The following ANKRD24 variants were observed in gnomAD, a reference collection of about 807,000 sequenced individuals.
The protein encoded by ANKRD24 is ankyrin repeat domain-containing protein 24.
ANKRD24 carries 109 observed loss-of-function variants against 127.8 expected under a neutral mutation model. The observed-to-expected ratio is 0.85, with a 90% CI of 0.73 to 1.00. ANKRD24 has a LOEUF of 1.00. ANKRD24 is among the 50% of genes least tolerant of loss of function. The pLI, the probability that ANKRD24 is intolerant of heterozygous loss-of-function variation, is 0.00. For synonymous variants in ANKRD24, 743 were observed against 671.1 expected (o/e 1.11, Z -1.66); for missense variants, 1,648 against 1,570.2 (o/e 1.05, Z -0.84).
chr19:4,193,751 C>G (rs1456484886), intron 2 of ANKRD24, among the ~76,000 whole-genome samples: 4 of 149,536 alleles, frequency 2.7e-5, no homozygotes, highest in African/African-American at 4.9e-5. Flanking sequence ...GCATGAGAAT[C>G]ACTTGAAGCC....
chr19:4,210,390 A>G lies in ANKRD24; in HGVS notation c.1059+18A>G, dbSNP rs1187055210. On this transcript the variant is annotated intron_variant, in intron 13 of 21. Coordinates refer to ENST00000318934, the MANE Select transcript of ANKRD24 (RefSeq NM_001393985.1). ...AGCAGGAGGTTAGGAGGCCTCGGAG[A>G]TTTGGGCGTGGGCCAGCCTGGGTGG... is the stretch of plus-strand genomic sequence containing the variant. 5 of 1,468,692 alleles carry G rather than the reference A, an allele frequency of 3.4e-6. No individual in the cohort carries two copies. In the South Asian group the frequency reaches 5.0e-5, roughly 15 times the overall value. 91.0% of individuals were successfully genotyped at this position (1,468,692 alleles called of 1,614,324 possible). A position where few individuals can be genotyped will look rare whatever the true frequency, so the allele number is the denominator to read the frequency against.
At chr19:4,205,067 CTCTACTAAACAA>C (rs1969309530) in intron 7 of ANKRD24, among the ~76,000 whole-genome samples, 1 of 152,186 alleles carries the variant, frequency 6.6e-6, no homozygotes. Flanking sequence ...GAAACCCTGT[CTCTACTAAACAA>C]TGCAAAAAAT....
In ANKRD24 at chr19:4,199,680, C is replaced by T; in HGVS notation, c.37-3C>T. ...CCTCGCCCAGGACCACCTCCCCCTG[C>T]AGCTGCGGCTCAGCCCCACTGACCT... On this transcript the variant is annotated splice_region_variant and splice_polypyrimidine_tract_variant and intron_variant, in intron 2 of 21. Coordinates refer to ENST00000318934, the MANE Select transcript of ANKRD24 (RefSeq NM_001393985.1). The surrounding 1 kb of genome is among the most constrained non-coding windows in gnomAD (Gnocchi z 5.2). The T allele has an allele frequency of 2.0e-6, 3 of 1,526,082 alleles. No individual in the cohort carries two copies. Among genetic ancestry groups the T allele is most frequent in the Non-Finnish European group, 2.6e-6 (3 of 1,140,734 alleles). The allele number at this position is 1,526,082 out of a possible 1,614,324, so 94.5% of individuals were successfully genotyped here.
At chr19:4,185,627 C>T (rs1030482358) in intron 1 of ANKRD24, among the ~76,000 whole-genome samples, 16 of 152,234 alleles carry the variant, frequency 1.1e-4, no homozygotes, top group Admixed American at 9.8e-4. Context: ...CGTGTGCACA[C>T]GCCCCACACT....
At chr19:4,187,922 C>T (rs1258990632) in intron 2 of ANKRD24, among the ~76,000 whole-genome samples, 2 of 152,160 alleles carry the variant, frequency 1.3e-5, no homozygotes, top group African/African-American at 2.4e-5. Flanking sequence ...GATTCGGAGG[C>T]TGGACCAGGT....
Position 4,193,845 on chromosome 19 carries a change from G to GAGGGAAGGA in ANKRD24, c.37-5835_37-5834insGAAGGAAGG, listed in dbSNP as rs573649233. On this transcript the variant is annotated intron_variant, in intron 2 of 21. Transcript: ENST00000318934. ...GAGCGAGACTCCGTCGGGAGGGAGG[G>GAGGGAAGGA]AGGAAGGAAGGAAGGAAGGAAGGAA... 1.7e-4 allele frequency among the ~76,000 whole-genome samples: 7 copies of GAGGGAAGGA among 40,590 alleles called. 1 individual carries two copies. The highest frequency in any genetic ancestry group is 8.7e-4 in the Admixed American group (3 of 3,468). 26.6% of individuals were successfully genotyped at this position (40,590 alleles called of 152,430 possible).
In ANKRD24 at chr19:4,217,348, CGTGGCT is replaced by C; in HGVS notation, c.2189_2194del (p.Arg730_Gly731del). 1 of 1,551,434 alleles carries C rather than the reference CGTGGCT, an allele frequency of 6.4e-7. No individual in the cohort carries two copies. The highest frequency in any genetic ancestry group is 8.7e-7 in the Non-Finnish European group (1 of 1,147,008). On this transcript the variant is annotated inframe_deletion, in exon 18 of 22. Coordinates refer to ENST00000318934, the MANE Select transcript of ANKRD24 (RefSeq NM_001393985.1). The stretch of plus-strand genomic sequence containing the variant: ...TCAAGTAGAGCTGGAGACCAGGATC[CGTGGCT>C]TGGAGGAGGCTCTCCGGCAGCGGGA...
In ANKRD24 at chr19:4,208,772, G is replaced by A. The variant is rs990243221; in HGVS notation, c.841G>A (p.Glu281Lys). Residue 281 changes from glutamate to lysine, a missense_variant, in exon 11 of 22, where the codon GAG (glutamate) becomes AAG (lysine). Glu to Lys is a moderately conservative substitution (Grantham distance 56). Transcript: ENST00000318934. ...QRPSPPSALT[E>K]DDSGEASSQN... Reference sequence around the variant, plus strand: ...CTTCCCTCTCTCCCCAGCCCTCACAGAGGATGATTCAGGCGAGGCGTCATC... The same window carrying A: ...CTTCCCTCTCTCCCCAGCCCTCACAAAGGATGATTCAGGCGAGGCGTCATC... 1.9e-6 allele frequency: 3 copies of A among 1,613,092 alleles called. No individual in the cohort carries two copies. The highest frequency in any genetic ancestry group is 1.3e-5 in the African/African-American group (1 of 74,880).
At chr19:4,209,696 C>A (rs994851555) in intron 11 of ANKRD24, among the ~76,000 whole-genome samples, 7 of 152,112 alleles carry the variant, frequency 4.6e-5, no homozygotes, top group African/African-American at 1.7e-4. Flanking sequence ...CAAGTGATCA[C>A]CCACCTTGGC....
In ANKRD24 at chr19:4,199,837, CCAA is replaced by C; in HGVS notation, c.124-35_124-33del. The C allele has an allele frequency of 6.5e-7, 1 of 1,542,796 alleles. No homozygotes were observed. The highest frequency in any genetic ancestry group is 2.4e-5 in the East Asian group (1 of 41,018). On this transcript the variant is annotated intron_variant, in intron 3 of 21. Transcript: ENST00000318934. This position sits in a 1 kb window ranked among gnomAD's most constrained non-coding sequence, Gnocchi z 5.2. Reference sequence around the variant, plus strand: ...CGGGGGCGTGGGGAGGGGACAGCAGCCAACACTGCCCCACGCACTTCTGGGCGT... The same window carrying C: ...CGGGGGCGTGGGGAGGGGACAGCAGCCACTGCCCCACGCACTTCTGGGCGT...
chr19:4,188,279 G>A (rs745852252), intron 2 of ANKRD24, among the ~76,000 whole-genome samples: 1 of 151,274 alleles, frequency 6.6e-6, no homozygotes, highest in East Asian at 1.9e-4. Flanking sequence ...ACTTCACCAT[G>A]TTGGCCAGGC....
At chr19:4,219,290 AAAAACAAAAAC>A (rs1056288599) in intron 18 of ANKRD24, among the ~76,000 whole-genome samples, 9 of 151,546 alleles carry the variant, frequency 5.9e-5, no homozygotes, top group Non-Finnish European at 1.2e-4. Flanking sequence ...TGTCTCAAAA[AAAAACAAAAAC>A]AAAACAAAAA....
chr19:4,218,211 G>T lies in ANKRD24; in HGVS notation c.3003+48G>T. ...CGGGCCCCACCCCCATTGGCCACGT[G>T]GCGGCCTGTTTTAGCCCCGCAGCCT... is the stretch of plus-strand genomic sequence containing the variant. On this transcript the variant is annotated intron_variant, in intron 18 of 21. Coordinates refer to ENST00000318934, the MANE Select transcript of ANKRD24 (RefSeq NM_001393985.1). The T allele has an allele frequency of 2.9e-6, 4 of 1,401,382 alleles. No homozygotes were observed. The South Asian group carries it at 6.4e-5, about 22-fold the overall frequency. The allele number at this position is 1,401,382 out of a possible 1,614,324, so 86.8% of individuals were successfully genotyped here.
intron 20 of ANKRD24, 118 bp downstream of exon 20, chr19:4,222,913 G>T (rs1970519102): frequency 8.2e-7 from 1 of 1,213,694 alleles, no homozygotes; most frequent in Non-Finnish European, 1.1e-6. Context: ...GGCAGGTGGG[G>T]TCCACATCAC....
chr19:4,186,345 C>A, intron 1 of ANKRD24, 45 bp from the exon 2 acceptor site: 1 of 1,550,138 alleles, frequency 6.5e-7, no homozygotes. Flanking sequence ...TGCCGCCCAC[C>A]AGGACTGGTG....
rs1968916603 is a variant in ANKRD24 at position 4,198,696 on chromosome 19, G to C, written c.37-987G>C. ...AACAGAGGTTGGGGCAGCTTTTGGG[G>C]GAATGGAAGAGACATTTGGGGAGAC... On this transcript the variant is annotated intron_variant, in intron 2 of 21. Coordinates refer to ENST00000318934, the MANE Select transcript of ANKRD24 (RefSeq NM_001393985.1). The surrounding 1 kb of genome is among the most constrained non-coding windows in gnomAD (Gnocchi z 6.1). 6.6e-6 allele frequency among the ~76,000 whole-genome samples: 1 copy of C among 152,214 alleles called. No individual in the cohort carries two copies.
In ANKRD24 at chr19:4,216,795, G is replaced by T. The variant is rs1477773100; in HGVS notation, c.1635G>T (p.Glu545Asp). 1 of 1,602,060 alleles carries T rather than the reference G, an allele frequency of 6.2e-7. No homozygotes were observed. Among genetic ancestry groups the T allele is most frequent in the Non-Finnish European group, 8.5e-7 (1 of 1,174,660 alleles). ...TATKNGPTHM[E>D]LNGSVAPETK... ...CCAAAAACGGGCCAACCCACATGGA[G>T]CTAAATGGCTCAGTGGCTCCAGAAA... Residue 545 changes from glutamate to aspartate, a missense_variant, in exon 18 of 22, where the codon GAG (glutamate) becomes GAT (aspartate). Transcript: ENST00000318934.
In ANKRD24 at chr19:4,215,973, C is replaced by A; in HGVS notation, c.1198-5C>A. 1 of 1,582,558 alleles carries A rather than the reference C, an allele frequency of 6.3e-7. No individual in the cohort carries two copies. Among genetic ancestry groups the A allele is most frequent in the Non-Finnish European group, 8.6e-7 (1 of 1,165,488 alleles). On this transcript the variant is annotated splice_polypyrimidine_tract_variant and splice_region_variant and intron_variant, in intron 15 of 21. Coordinates refer to ENST00000318934, the MANE Select transcript of ANKRD24 (RefSeq NM_001393985.1). ...CCCGAGCTGGACTCTGCTCCCTCCC[C>A]CCAGAACGAGCGGGAGAATACTAGC... is the stretch of plus-strand genomic sequence containing the variant.
intron 2 of ANKRD24, among the ~76,000 whole-genome samples, chr19:4,190,818 T>C (rs1325055476): frequency 6.6e-6 from 1 of 151,704 alleles, no homozygotes; most frequent in Non-Finnish European, 1.5e-5. Context: ...TCCTGAATGC[T>C]TTTTTTCCCC....
Sources: allele counts gnomAD v4.1 joint callset (sites outside exome capture counted in the v4.1 genomes callset), GRCh38; gene constraint gnomAD v4.1.1; non-coding constraint Gnocchi (gnomAD v3.1); transcripts MANE v1.5; gene names NCBI Gene and HGNC (gene_info 2026-07-23, HGNC 2026-07-21).